The following MGAT4C variants were observed in gnomAD, a reference collection of about 807,000 sequenced individuals.
MGAT4C encodes the protein MGAT4 family member C.
In MGAT4C, 19 loss-of-function variants were observed where a neutral mutation model predicts 40.1. The ratio of observed to expected loss-of-function variants is 0.47; its 90% CI spans 0.33 to 0.70. MGAT4C has a LOEUF of 0.70. Among genes scored for constraint, MGAT4C ranks in the 30% least tolerant of loss-of-function variants. MGAT4C has a pLI of 0.02. For missense variants in MGAT4C, 491 were observed against 563.2 expected, an observed-to-expected ratio of 0.87 and a Z score of 1.30; for synonymous variants, 181 against 187.1, an observed-to-expected ratio of 0.97 and a Z score of 0.27.
chr12:86,411,334 T>C (rs1360197986), intron 3 of MGAT4C, among the ~76,000 whole-genome samples: 1 of 152,154 alleles, frequency 6.6e-6, no homozygotes, highest in African/African-American at 2.4e-5. Context: ...ACCAAAATGC[T>C]GATAGTGATA....
intron 4 of MGAT4C, among the ~76,000 whole-genome samples, chr12:86,290,500 T>G (rs973277728): frequency 2.0e-5 from 3 of 152,124 alleles, no homozygotes; most frequent in African/African-American, 4.8e-5. Context: ...AAGTGAGATA[T>G]TGACAAAACA....
At chr12:86,614,426 T>C (rs1214292182) in intron 2 of MGAT4C, among the ~76,000 whole-genome samples, 1 of 152,090 alleles carries the variant, frequency 6.6e-6, no homozygotes, top group Non-Finnish European at 1.5e-5. Context: ...ATTAAAGGGA[T>C]TATGGATAAT....
intron 2 of MGAT4C, among the ~76,000 whole-genome samples, chr12:86,564,073 C>A (rs1035541321): frequency 1.3e-5 from 2 of 152,050 alleles, no homozygotes; most frequent in African/African-American, 4.8e-5. Context: ...TTAGTGCCAC[C>A]ATCAAAGACT....
intron 2 of MGAT4C, among the ~76,000 whole-genome samples, chr12:86,682,478 T>C (rs997015900): frequency 6.6e-6 from 1 of 152,068 alleles, no homozygotes; most frequent in African/African-American, 2.4e-5. Flanking sequence ...TATTTAAATG[T>C]AGTCTTGATC....
intron 1 of MGAT4C, among the ~76,000 whole-genome samples, chr12:86,073,354 A>C (rs1248980311): frequency 6.6e-6 from 1 of 152,138 alleles, no homozygotes; most frequent in Non-Finnish European, 1.5e-5. Flanking sequence ...ATGAGAACTG[A>C]CTAATACAGT....
Position 86,540,802 on chromosome 12 carries a change from T to A in MGAT4C, c.-228-105537A>T, listed in dbSNP as rs1437606325. On this transcript the variant is annotated intron_variant, in intron 2 of 7. Transcript: ENST00000548651. ...AACCACTCAGTTTGAATTTGGGAAT[T>A]CATATTTTTAAATTTTGAATGATTT... Among the ~76,000 whole-genome samples, 3 of 152,074 alleles carry A rather than the reference T, an allele frequency of 2.0e-5. No individual in the cohort carries two copies. In the East Asian group the frequency reaches 5.8e-4, roughly 29 times the overall value.
intron 2 of MGAT4C, among the ~76,000 whole-genome samples, chr12:86,481,845 G>A (rs1005115276): frequency 7.3e-5 from 11 of 151,356 alleles, no homozygotes; most frequent in Non-Finnish European, 1.5e-4. Context: ...TTGAATTTCT[G>A]GCCTCAAGCA....
chr12:86,419,286 C>A (rs1956778156), intron 3 of MGAT4C, among the ~76,000 whole-genome samples: 1 of 151,792 alleles, frequency 6.6e-6, no homozygotes, highest in East Asian at 1.9e-4. Flanking sequence ...TGCTCAAAGT[C>A]CTTTATCCAA....
In MGAT4C at chr12:86,456,976, C is replaced by T. The variant is rs941601653; in HGVS notation, c.-228-21711G>A. 7.3e-4 allele frequency among the ~76,000 whole-genome samples: 111 copies of T among 152,162 alleles called. 1 individual carries two copies. The highest frequency in any genetic ancestry group is 2.6e-3 in the African/African-American group (107 of 41,534). ...ACCCCCAGGGAGCATTTTCAAAAGC[C>T]GGACTCCTGGATCTTCTTCCTGAAT... On this transcript the variant is annotated intron_variant, in intron 2 of 7. Transcript: ENST00000548651.
At chr12:86,427,753 G>C (rs1956956974) in intron 3 of MGAT4C, among the ~76,000 whole-genome samples, 1 of 152,208 alleles carries the variant, frequency 6.6e-6, no homozygotes, top group Admixed American at 6.5e-5. Context: ...GGACGCGGTG[G>C]CTCATGCCTG....
chr12:86,336,101 T>C (rs1027951899), intron 3 of MGAT4C, among the ~76,000 whole-genome samples: 7 of 152,322 alleles, frequency 4.6e-5, no homozygotes, highest in Non-Finnish European at 8.8e-5. Context: ...CTTAATACCA[T>C]GTAAGTGTTA....
rs7301007 is a variant in MGAT4C, at chr12:86,429,755, C to T, written c.-120+5402G>A. Among the ~76,000 whole-genome samples, 967 of 152,122 alleles carry T rather than the reference C, an allele frequency of 6.4e-3. 7 individuals carry two copies. Among genetic ancestry groups the T allele is most frequent in the Non-Finnish European group, 9.0e-3 (609 of 67,976 alleles). The stretch of plus-strand genomic sequence containing the variant: ...TTTTGTTATTATATGACTTGTTGTG[C>T]TTCTCTTTGGGTTGAATTTGATTGA... On this transcript the variant is annotated intron_variant, in intron 3 of 7. Coordinates refer to the MGAT4C transcript ENST00000548651.
At chr12:86,178,047 G>C (rs945834903) in intron 1 of MGAT4C, among the ~76,000 whole-genome samples, 10 of 151,938 alleles carry the variant, frequency 6.6e-5, no homozygotes, top group Non-Finnish European at 8.8e-5. Flanking sequence ...CACCATTCTC[G>C]TGCCTCAGCC....
At position 85,962,361 on chromosome 12, in the gene MGAT4C, C is replaced by T. The variant is rs919635825; in HGVS notation, c.*16928G>A. On this transcript the variant is annotated 3_prime_UTR_variant, in exon 5 of 5. Coordinates refer to ENST00000611864, the MANE Select transcript of MGAT4C (RefSeq NM_001351288.2). The stretch of plus-strand genomic sequence containing the variant: ...TTGATTCAAATGTCTAAAGGCTAAA[C>T]CAGAGCAATTTACAACATCCAATGA... The T allele has an allele frequency of 2.9e-4, 44 of 149,288 alleles. No individual in the cohort carries two copies. The highest frequency in any genetic ancestry group is 1.1e-3 in the African/African-American group (44 of 40,882). The allele number at this position is 149,288 out of a possible 1,614,324, so 9.2% of individuals were successfully genotyped here. A position where few individuals can be genotyped will look rare whatever the true frequency, so the allele number is the denominator to read the frequency against.
chr12:86,433,947 C>G (rs1290042192), intron 3 of MGAT4C, among the ~76,000 whole-genome samples: 2 of 151,932 alleles, frequency 1.3e-5, no homozygotes, highest in Non-Finnish European at 2.9e-5. Flanking sequence ...TATTTCCTCT[C>G]CTGGAAGCTT....
At chr12:86,115,063 G>A (rs545949287) in intron 1 of MGAT4C, among the ~76,000 whole-genome samples, 8 of 152,024 alleles carry the variant, frequency 5.3e-5, no homozygotes, top group Admixed American at 2.0e-4. Context: ...ATTTTTGGTA[G>A]TAATCTCAAA....
At chr12:86,307,124 G>A (rs1412528368) in intron 4 of MGAT4C, among the ~76,000 whole-genome samples, 3 of 150,288 alleles carry the variant, frequency 2.0e-5, no homozygotes, top group Non-Finnish European at 4.4e-5. Flanking sequence ...CTTTAAAATA[G>A]AGATACTCTT....
intron 2 of MGAT4C, among the ~76,000 whole-genome samples, chr12:86,642,648 T>C (rs1963425800): frequency 6.6e-6 from 1 of 151,744 alleles, no homozygotes. Flanking sequence ...AATTTGACAT[T>C]AGAGAAATCA....
intron 2 of MGAT4C, among the ~76,000 whole-genome samples, chr12:86,004,899 T>C (rs1051839495): frequency 1.3e-5 from 2 of 152,164 alleles, no homozygotes; most frequent in Admixed American, 6.5e-5. Context: ...TGTGTAACTG[T>C]AGGCAGAAAC....
Sources: gnomAD v4.1 joint callset for allele counts (sites outside exome capture counted in the v4.1 genomes callset) on GRCh38, gnomAD v4.1.1 for gene constraint, MANE v1.5 for transcripts, NCBI Gene and HGNC (gene_info 2026-07-23, HGNC 2026-07-21) for gene names.